The following PLEC variants were observed in gnomAD, a reference collection of about 807,000 sequenced individuals.
PLEC encodes plectin.
Under a neutral mutation model 392.8 loss-of-function variants are expected in PLEC, and 216 were observed. That is an observed-to-expected ratio of 0.55 (90% CI 0.49 to 0.62). The LOEUF is 0.62. PLEC is among the 20% of genes least tolerant of loss of function. The pLI is 0.00. For synonymous variants in PLEC, 3,621 were observed against 2,980.6 expected, an observed-to-expected ratio of 1.21 and a Z score of -7.00; for missense variants, 6,863 against 6,563.4, an observed-to-expected ratio of 1.05 and a Z score of -1.58.
chr8:143,973,625 G>C (rs1554745130), upstream of PLEC: 3 of 761,504 alleles, frequency 3.9e-6, no homozygotes, highest in Non-Finnish European at 4.8e-6. This position sits in a 1 kb window ranked among gnomAD's most constrained non-coding sequence, Gnocchi z 5.6. Context: ...GGGCGGGGCC[G>C]GGGCCGCCGC....
Position 143,923,917 on chromosome 8 carries a change from C to T in PLEC, c.6012G>A (p.Arg2004=). ...LAAEEEAARQ[R]KAALEEVERL... is the part of the protein sequence containing the mutation. ...GCTCGACTTCCTCCAGCGCCGCCTT[C>T]CGCTGCCGTGCGGCCTCCTCCTCGG... The change falls in exon 31 of 32, where the codon CGG becomes CGA. Residue 2004 remains arginine (R), a synonymous_variant. Coordinates refer to ENST00000345136, the MANE Select transcript of PLEC (RefSeq NM_201384.3). 1 of 1,595,372 alleles carries T rather than the reference C, an allele frequency of 6.3e-7. No homozygotes were observed. The highest frequency in any genetic ancestry group is 8.5e-7 in the Non-Finnish European group (1 of 1,178,286).
In PLEC at chr8:143,921,484, G is replaced by A. The variant is rs147997702; in HGVS notation, c.8337C>T (p.Asp2779=). ...GAGAGATCTGCTGGCCAGTGTAGGG[G>A]TCCTTGTAGCCAGTGACGGCGCGCT... The part of the protein sequence containing the change: ...SAERAVTGYK[D]PYTGQQISLF... Residue 2779 remains aspartate, a synonymous_variant, in exon 32 of 32, where the codon GAC becomes GAT. Coordinates refer to ENST00000345136, the MANE Select transcript of PLEC (RefSeq NM_201384.3). The A allele has an allele frequency of 1.6e-5, 26 of 1,613,112 alleles. No homozygotes were observed. The East Asian group carries it at 3.8e-4, about 24-fold the overall frequency.
upstream of PLEC, chr8:143,944,003 G>C (rs890951984): frequency 2.3e-5 from 34 of 1,506,510 alleles, no homozygotes; most frequent in Admixed American, 4.0e-5. Context: ...GCCGGGACCG[G>C]AGCCTGCCCT....
rs782418310 is a variant in PLEC, at chr8:143,917,559, T to C, written c.12262A>G (p.Lys4088Glu). ...EILTDPSDDT[K>E]GFFDPNTEEN... ...TCCGTGTTAGGGTCAAAGAAGCCCT[T>C]GGTGTCGTCCGAGGGGTCGGTCAGG... Residue 4088 changes from lysine to glutamate, a missense_variant, in exon 32 of 32, where the codon AAG becomes GAG. Coordinates refer to ENST00000345136, the MANE Select transcript of PLEC (RefSeq NM_201384.3). 2 of 1,613,878 alleles carry C rather than the reference T, an allele frequency of 1.2e-6. No homozygotes were observed. The highest frequency in any genetic ancestry group is 3.3e-5 in the Admixed American group (2 of 60,022).
chr8:143,975,971 C>A (rs1487247025), upstream of PLEC, among the ~76,000 whole-genome samples: 6 of 152,202 alleles, frequency 3.9e-5, no homozygotes, highest in African/African-American at 1.4e-4. The surrounding 1 kb of genome is among the most constrained non-coding windows in gnomAD (Gnocchi z 9.9). Flanking sequence ...CAGGGAAGGA[C>A]ACCCAAGCCC....
intron 1 of PLEC, chr8:143,945,279 C>A: frequency 2.1e-6 from 1 of 473,850 alleles, no homozygotes; most frequent in Non-Finnish European, 4.3e-6. Flanking sequence ...ACAGCCTCTC[C>A]TGGGGTCCCA....
At position 143,934,046 on chromosome 8, in the gene PLEC, C is replaced by T. The variant is rs373392841; in HGVS notation, c.1215G>A (p.Ala405=). The change falls in exon 12 of 32, where the codon GCG becomes GCA. Residue 405 remains alanine, a synonymous_variant. Coordinates refer to ENST00000345136, the MANE Select transcript of PLEC (RefSeq NM_201384.3). ...QRIVTKLQME[A]GLCEEQLNQA... ...GGTTCAGCTGCTCCTCACACAGCCC[C>T]GCCTCCATCTGCAGCTTGGTCACGA... 6.7e-5 allele frequency: 108 copies of T among 1,611,782 alleles called. No individual in the cohort carries two copies. Among genetic ancestry groups the T allele is most frequent in the Non-Finnish European group, 6.5e-5 (77 of 1,179,618 alleles).
chr8:143,943,883 G>T, upstream of PLEC: 1 of 1,611,530 alleles, frequency 6.2e-7, no homozygotes, highest in South Asian at 1.1e-5. Context: ...GCTGCCCGAG[G>T]GCTCCATAGC....
upstream of PLEC, among the ~76,000 whole-genome samples, chr8:143,939,851 G>A (rs979466676): frequency 6.6e-6 from 1 of 152,196 alleles, no homozygotes; most frequent in South Asian, 2.1e-4. Flanking sequence ...ACACCAAATG[G>A]TGCCAGGACC....
intron 1 of PLEC, chr8:143,950,035 T>C (rs1421101215): frequency 1.9e-6 from 2 of 1,067,464 alleles, no homozygotes; most frequent in African/African-American, 1.6e-5. Context: ...CCCCTGACCC[T>C]CGGCTAGGGG....
At chr8:143,967,040 T>C (rs559113075) in intron 1 of PLEC, among the ~76,000 whole-genome samples, 94 of 151,964 alleles carry the variant, frequency 6.2e-4, no homozygotes, top group African/African-American at 2.2e-3. Context: ...GACTGGTGAG[T>C]GTTAAAAATT....
Position 143,919,661 on chromosome 8 carries a change from A to C in PLEC, c.10160T>G (p.Leu3387Arg). ...RGLLRATTAA[L>R]LLEAQAATGF... The stretch of plus-strand genomic sequence containing the variant: ...AGTGGCCGCCTGCGCCTCCAGCAGG[A>C]GCGCAGCCGTTGTGGCTCTCAGCAG... The change falls in exon 32 of 32, where the codon CTC becomes CGC. Residue 3387 changes from leucine (L) to arginine (R), a missense_variant. Physicochemically the swap from Leu to Arg is moderately radical, Grantham distance 102. Transcript: ENST00000345136. 1 of 1,593,606 alleles carries C rather than the reference A, an allele frequency of 6.3e-7. No individual in the cohort carries two copies. The highest frequency in any genetic ancestry group is 8.5e-7 in the Non-Finnish European group (1 of 1,172,022).
rs782379140 is a variant in PLEC at position 143,930,268 on chromosome 8, G to C, written c.2488C>G (p.Leu830Val). The change falls in exon 21 of 32, where the codon CTG (leucine) becomes GTG (valine). Residue 830 changes from leucine to valine, a missense_variant. Transcript: ENST00000345136. ...VTVHKGDECQLVGPAQPSHWK... is the reference protein window; with the variant it reads ...VTVHKGDECQVVGPAQPSHWK... Reference sequence around the variant, plus strand: ...TGGGACGGCTGTGCAGGGCCCACCAGCTGGCACTCGTCACCCTTGTGCACA... The same window carrying C: ...TGGGACGGCTGTGCAGGGCCCACCACCTGGCACTCGTCACCCTTGTGCACA... 3 of 1,602,654 alleles carry C rather than the reference G, an allele frequency of 1.9e-6. No individual in the cohort carries two copies. The Admixed American group carries it at 5.0e-5, about 27-fold the overall frequency.
At position 143,923,683 on chromosome 8, in the gene PLEC, C is replaced by A. The variant is rs1440664187; in HGVS notation, c.6246G>T (p.Glu2082Asp). The change falls in exon 31 of 32, where the codon GAG (glutamate) becomes GAT (aspartate). Residue 2082 changes from glutamate (E) to aspartate (D), a missense_variant. Transcript: ENST00000345136. ...CAGCCGCCCGCCGGGCCGCCTCCGC[C>A]TCGCCGCGCAGCTGGTCCAGCACGC... ...EQSVLDQLRG[E>D]AEAARRAAEE... The A allele has an allele frequency of 1.9e-6, 3 of 1,548,636 alleles. No individual in the cohort carries two copies. In the African/African-American group the frequency reaches 4.1e-5, roughly 21 times the overall value.
rs781810919 is a variant in PLEC at position 143,969,160 on chromosome 8, G to A, written c.70+4243C>T. 6.6e-6 allele frequency among the ~76,000 whole-genome samples: 1 copy of A among 152,198 alleles called. No individual in the cohort carries two copies. Among genetic ancestry groups the A allele is most frequent in the African/African-American group, 2.4e-5 (1 of 41,452 alleles). ...GCAAAAGTGGGCACTTCCACACCAC[G>A]GAACCGACTCCAGCGGGGGGAGGGT... On this transcript the variant is annotated intron_variant, in intron 1 of 31. Transcript: ENST00000356346. This position sits in a 1 kb window ranked among gnomAD's most constrained non-coding sequence, Gnocchi z 5.1.
chr8:143,927,258 G>A lies in PLEC; in HGVS notation c.3834C>T (p.Ala1278=), dbSNP rs1554706900. 1.2e-6 allele frequency: 2 copies of A among 1,613,144 alleles called. No homozygotes were observed. Among genetic ancestry groups the A allele is most frequent in the Non-Finnish European group, 1.7e-6 (2 of 1,179,816 alleles). The stretch of plus-strand genomic sequence containing the variant: ...GCAGGCGGCTGGGCCTCACCTTGAT[G>A]GCGTTGATGTACTGTTTCGCAAACC... ...CQRFAKQYIN[A]IKDYELQLVT... is the part of the protein sequence containing the mutation. Residue 1278 remains alanine (A), a synonymous_variant, in exon 28 of 32, where the codon GCC becomes GCT. Coordinates refer to ENST00000345136, the MANE Select transcript of PLEC (RefSeq NM_201384.3).
At position 143,933,284 on chromosome 8, in the gene PLEC, T is replaced by C; in HGVS notation, c.1331A>G (p.Lys444Arg). ...GAGCAGCCGGATCATGCTATCCGCC[T>C]TGTCCAAGTCCCGTTCCACCTCCCC... ...RAGEVERDLDKADSMIRLLFN... is the reference protein window; with the variant it reads ...RAGEVERDLDRADSMIRLLFN... The change falls in exon 13 of 32, where the codon AAG becomes AGG. Residue 444 changes from lysine to arginine, a missense_variant. Transcript: ENST00000345136. 1 of 1,613,170 alleles carries C rather than the reference T, an allele frequency of 6.2e-7. No homozygotes were observed. The highest frequency in any genetic ancestry group is 8.5e-7 in the Non-Finnish European group (1 of 1,179,956).
At chr8:143,958,846 G>T (rs1270337713), upstream of PLEC, 1 of 259,640 alleles carries the variant, frequency 3.9e-6, no homozygotes, top group Non-Finnish European at 8.2e-6. This position sits in a 1 kb window ranked among gnomAD's most constrained non-coding sequence, Gnocchi z 4.9. Flanking sequence ...CACCAGACAC[G>T]AAGGTGTCAC....
chr8:143,939,701 C>T (rs942357499), upstream of PLEC: 83 of 1,329,912 alleles, frequency 6.2e-5, 1 homozygote, highest in Admixed American at 1.9e-4. Context: ...AGTGTCCCGG[C>T]GGGAAGGAGC....
Sources: allele counts gnomAD v4.1 joint callset (sites outside exome capture counted in the v4.1 genomes callset), GRCh38; gene constraint gnomAD v4.1.1; non-coding constraint Gnocchi (gnomAD v3.1); transcripts MANE v1.5; gene names NCBI Gene and HGNC (gene_info 2026-07-23, HGNC 2026-07-21).